CCDC73: variants seen among roughly 807,000 people sequenced by gnomAD.
The protein encoded by CCDC73 is coiled-coil domain containing 73, also known as coiled-coil domain-containing protein 73.
A neutral mutation model predicts 116.5 loss-of-function variants in CCDC73; 95 were observed. The ratio of observed to expected loss-of-function variants is 0.82; its 90% CI spans 0.69 to 0.97. The LOEUF is 0.97. CCDC73 is among the 50% of genes least tolerant of loss of function. The pLI is 0.00. For synonymous variants in CCDC73, 398 were observed against 401.3 expected, an observed-to-expected ratio of 0.99 and a Z score of 0.10; for missense variants, 1,066 against 1,206.8, an observed-to-expected ratio of 0.88 and a Z score of 1.73.
chr11:32,645,972 A>G (rs1855775615), intron 12 of CCDC73, among the ~76,000 whole-genome samples: 1 of 152,222 alleles, frequency 6.6e-6, no homozygotes, highest in African/African-American at 2.4e-5. Context: ...TTAGTACTTT[A>G]ACATTCTAAC....
intron 3 of CCDC73, among the ~76,000 whole-genome samples, chr11:32,712,663 A>G (rs1487810285): frequency 6.6e-6 from 1 of 151,990 alleles, no homozygotes; most frequent in East Asian, 1.9e-4. Context: ...CAATAATACT[A>G]TTTGACAATT....
chr11:32,611,132 A>G lies in CCDC73; in HGVS notation c.3030T>C (p.His1010=), dbSNP rs1375338643. ...TFYDSSFPTE[H]VKTKPLISTP... Reference sequence around the variant, plus strand: ...TCGGCAATATTTTTAATTGACTTACATGTTCTGTGGGAAAAGAGGAATCAT... The same window carrying G: ...TCGGCAATATTTTTAATTGACTTACGTGTTCTGTGGGAAAAGAGGAATCAT... The change falls in exon 17 of 18, where the codon CAT becomes CAC. Residue 1010 remains histidine (H), a splice_region_variant and synonymous_variant. Transcript: ENST00000335185. The G allele has an allele frequency of 1.2e-6, 2 of 1,613,762 alleles. No individual in the cohort carries two copies. The highest frequency in any genetic ancestry group is 1.7e-6 in the Non-Finnish European group (2 of 1,179,820).
chr11:32,657,268 A>G (rs371398489), intron 9 of CCDC73, among the ~76,000 whole-genome samples: 7 of 152,358 alleles, frequency 4.6e-5, no homozygotes, highest in African/African-American at 1.4e-4. Context: ...TCCAGGAGAA[A>G]GGACTCATTG....
intron 14 of CCDC73, among the ~76,000 whole-genome samples, chr11:32,624,032 G>A (rs1855546356): frequency 6.6e-6 from 1 of 152,054 alleles, no homozygotes; most frequent in East Asian, 1.9e-4. Context: ...CTGACAATAT[G>A]TGTCAAAAAT....
At chr11:32,603,114 A>G (rs1406868529) in intron 17 of CCDC73, 94 bp from the exon 18 acceptor site, 2 of 986,544 alleles carry the variant, frequency 2.0e-6, no homozygotes, top group African/African-American at 3.3e-5. Flanking sequence ...ATGTGGTAAA[A>G]CCACCATCTC....
intron 5 of CCDC73, 117 bp downstream of exon 5, chr11:32,700,674 G>C: frequency 2.0e-6 from 1 of 511,954 alleles, no homozygotes; most frequent in Non-Finnish European, 3.5e-6. Flanking sequence ...TGTTACTAAT[G>C]CTCTTTTCTC....
Position 32,654,846 on chromosome 11 carries a change from T to C in CCDC73, c.772A>G (p.Met258Val), listed in dbSNP as rs376553041. Residue 258 changes from methionine (M) to valine (V), a missense_variant and splice_region_variant, in exon 10 of 18, where the codon ATG (methionine) becomes GTG (valine). Coordinates refer to ENST00000335185, the MANE Select transcript of CCDC73 (RefSeq NM_001008391.4). ...AACAAATACATTTAATAAAATACCA[T>C]GTTGAGTCTTTCTTGAAGTTCTTGA... is the stretch of plus-strand genomic sequence containing the variant. The part of the protein sequence containing the change: ...KFQELQERLN[M>V]ELELNEKINE... 31 of 1,488,896 alleles carry C rather than the reference T, an allele frequency of 2.1e-5. No homozygotes were observed. The African/African-American group carries it at 3.8e-4, about 18-fold the overall frequency. 92.2% of individuals were successfully genotyped at this position (1,488,896 alleles called of 1,614,324 possible).
intron 12 of CCDC73, among the ~76,000 whole-genome samples, chr11:32,649,365 C>G (rs1034823856): frequency 1.5e-4 from 23 of 152,164 alleles, no homozygotes; most frequent in Non-Finnish European, 2.2e-4. Context: ...AGGAACATAA[C>G]TATGCTTATA....
At chr11:32,819,369 G>A in the CCDC73 span, among the ~76,000 whole-genome samples, 1 of 151,708 alleles carries the variant, frequency 6.6e-6, no homozygotes, top group African/African-American at 2.4e-5. Flanking sequence ...GATTACACTC[G>A]GCTGAAATGC....
chr11:32,622,219 T>C (rs111561862), intron 14 of CCDC73, among the ~76,000 whole-genome samples: 1 of 152,172 alleles, frequency 6.6e-6, no homozygotes, highest in African/African-American at 2.4e-5. Flanking sequence ...CATACGTTTA[T>C]TGCAGCACTA....
chr11:32,725,534 A>G (rs772023078), intron 2 of CCDC73, among the ~76,000 whole-genome samples: 2 of 152,204 alleles, frequency 1.3e-5, no homozygotes, highest in Non-Finnish European at 2.9e-5. Context: ...CATTACAACT[A>G]AAGACATTTT....
chr11:32,635,105 G>C (rs1274167426), intron 14 of CCDC73, among the ~76,000 whole-genome samples: 1 of 152,250 alleles, frequency 6.6e-6, no homozygotes, highest in African/African-American at 2.4e-5. Context: ...AAACATTTCT[G>C]AGAGACATTT....
chr11:32,613,524 G>A lies in CCDC73; in HGVS notation c.2794C>T (p.Leu932=). 1 of 1,614,004 alleles carries A rather than the reference G, an allele frequency of 6.2e-7. No individual in the cohort carries two copies. The highest frequency in any genetic ancestry group is 8.5e-7 in the Non-Finnish European group (1 of 1,179,984). Residue 932 remains leucine (L), a synonymous_variant, in exon 16 of 18, where the codon CTG becomes TTG. Coordinates refer to ENST00000335185, the MANE Select transcript of CCDC73 (RefSeq NM_001008391.4). The part of the protein sequence containing the change: ...SSSTPCISLL[L]KERPLDPSEN... Reference sequence around the variant, plus strand: ...GATGGATCTAGTGGTCTCTCCTTCAGCAACAAAGAAATGCAAGGGGTCGAA... The same window carrying A: ...GATGGATCTAGTGGTCTCTCCTTCAACAACAAAGAAATGCAAGGGGTCGAA...
chr11:32,800,839 G>A, the CCDC73 span, among the ~76,000 whole-genome samples: 76 of 152,274 alleles, frequency 5.0e-4, 2 homozygotes, highest in East Asian at 0.014. Context: ...ATAAAATGGA[G>A]GAGGAAAGTC....
rs543291735 is a variant in CCDC73, at chr11:32,655,985, G to A, written c.646-1013C>T. On this transcript the variant is annotated intron_variant, in intron 9 of 17. Coordinates refer to ENST00000335185, the MANE Select transcript of CCDC73 (RefSeq NM_001008391.4). ...TTAAATACTCAAGAATCTGATTTTC[G>A]GTCTCGGCTACACAGTATCTGAACT... Among the ~76,000 whole-genome samples the A allele has an allele frequency of 6.6e-5, 10 of 152,088 alleles. No individual in the cohort carries two copies. In the East Asian group the frequency reaches 1.4e-3, roughly 21 times the overall value.
chr11:32,819,261 T>C, the CCDC73 span, among the ~76,000 whole-genome samples: 6 of 151,950 alleles, frequency 3.9e-5, no homozygotes, highest in South Asian at 4.1e-4. Context: ...GATTACGATT[T>C]CCATACAGGA....
chr11:32,678,147 C>T (rs1333665324), intron 7 of CCDC73, among the ~76,000 whole-genome samples: 3 of 151,602 alleles, frequency 2.0e-5, no homozygotes, highest in African/African-American at 7.3e-5. Context: ...GATGTGGCAG[C>T]GGGCACCTGT....
At chr11:32,626,397 C>A (rs976419003) in intron 14 of CCDC73, among the ~76,000 whole-genome samples, 1 of 151,994 alleles carries the variant, frequency 6.6e-6, no homozygotes, top group Non-Finnish European at 1.5e-5. Context: ...AATGGCCATA[C>A]TGCCCAAGGT....
the CCDC73 span, among the ~76,000 whole-genome samples, chr11:32,819,039 C>T: frequency 6.6e-6 from 1 of 152,082 alleles, no homozygotes; most frequent in Non-Finnish European, 1.5e-5. Flanking sequence ...GTGTTGTACC[C>T]TTTAAAATGG....
Sources: gnomAD v4.1 joint callset for allele counts (sites outside exome capture counted in the v4.1 genomes callset) on GRCh38, gnomAD v4.1.1 for gene constraint, MANE v1.5 for transcripts, NCBI Gene and HGNC (gene_info 2026-07-23, HGNC 2026-07-21) for gene names.